ACOXL: variants seen among roughly 807,000 people sequenced by gnomAD.
The protein encoded by ACOXL is acyl-coenzyme A oxidase-like protein.
ACOXL carries 70 observed loss-of-function variants against 71.9 expected under a neutral mutation model. The observed-to-expected ratio is 0.97, with a 90% CI of 0.80 to 1.19. ACOXL has a LOEUF of 1.19. ACOXL is among the 50% of genes most tolerant of loss of function. The probability of loss-of-function intolerance (pLI) is 0.00; values close to 1 mark genes in which losing one functional copy is unlikely to be tolerated. For synonymous variants in ACOXL, 253 were observed against 281.6 expected, an observed-to-expected ratio of 0.90 and a Z score of 1.02; for missense variants, 703 against 736.3, an observed-to-expected ratio of 0.95 and a Z score of 0.52.
chr2:110,935,941 G>A (rs747381875), intron 12 of ACOXL, among the ~76,000 whole-genome samples: 8 of 152,114 alleles, frequency 5.3e-5, no homozygotes, highest in East Asian at 1.9e-4. Flanking sequence ...CATGAGGAGC[G>A]TGCAGATCTC....
At chr2:110,943,938 A>G (rs925010124) in intron 12 of ACOXL, among the ~76,000 whole-genome samples, 3 of 152,198 alleles carry the variant, frequency 2.0e-5, no homozygotes, top group Non-Finnish European at 2.9e-5. Flanking sequence ...AATTGAGTGA[A>G]TACTATTATT....
chr2:110,876,213 G>C (rs1447976999), intron 10 of ACOXL, among the ~76,000 whole-genome samples: 1 of 152,168 alleles, frequency 6.6e-6, no homozygotes, highest in East Asian at 1.9e-4. Flanking sequence ...TTGGAATCTA[G>C]ACCCAGGCAA....
At chr2:110,973,763 C>T (rs2062320856) in intron 12 of ACOXL, among the ~76,000 whole-genome samples, 2 of 152,092 alleles carry the variant, frequency 1.3e-5, no homozygotes, top group African/African-American at 4.8e-5. Flanking sequence ...CATGCATTTC[C>T]ATAAAGGCCT....
chr2:110,872,547 A>C (rs1381197341), intron 10 of ACOXL, among the ~76,000 whole-genome samples: 1 of 152,216 alleles, frequency 6.6e-6, no homozygotes, highest in Non-Finnish European at 1.5e-5. Context: ...GGTCACGTTG[A>C]TGGGAGAGTA....
intron 7 of ACOXL, among the ~76,000 whole-genome samples, chr2:110,799,633 T>C (rs1161713971): frequency 6.6e-6 from 1 of 152,106 alleles, no homozygotes; most frequent in Non-Finnish European, 1.5e-5. Flanking sequence ...CTAAGAGTGG[T>C]GATGAGAGGT....
intron 14 of ACOXL, among the ~76,000 whole-genome samples, chr2:111,016,108 A>AT (rs34690566): frequency 0.44 from 66,502 of 149,670 alleles, 15,015 homozygotes; most frequent in Middle Eastern, 0.54. Flanking sequence ...AATTTTTTTA[A>AT]TTTTTTTTTT....
At chr2:110,918,246 A>G (rs1487022292) in intron 11 of ACOXL, among the ~76,000 whole-genome samples, 1 of 152,208 alleles carries the variant, frequency 6.6e-6, no homozygotes, top group Non-Finnish European at 1.5e-5. Context: ...GGCCTCAGAA[A>G]TAACACCACA....
intron 9 of ACOXL, among the ~76,000 whole-genome samples, chr2:110,840,964 T>C (rs1164856524): frequency 6.6e-6 from 1 of 152,184 alleles, no homozygotes; most frequent in Non-Finnish European, 1.5e-5. Flanking sequence ...GATCCCACCA[T>C]GTGTGGGCGT....
chr2:110,890,723 A>G (rs1697832660), intron 10 of ACOXL, among the ~76,000 whole-genome samples: 1 of 152,106 alleles, frequency 6.6e-6, no homozygotes, highest in South Asian at 2.1e-4. Context: ...CTGTGTATCA[A>G]GTTTTCCAAT....
chr2:110,981,951 G>A (rs2096749039), intron 12 of ACOXL, among the ~76,000 whole-genome samples: 1 of 152,142 alleles, frequency 6.6e-6, no homozygotes, highest in South Asian at 2.1e-4. Flanking sequence ...AACCAGAAAG[G>A]GGAAACCACT....
rs904679421 is a variant in ACOXL at position 111,041,294 on chromosome 2, T to C, written c.1370-7924T>C. Among the ~76,000 whole-genome samples the C allele has an allele frequency of 3.9e-5, 6 of 152,176 alleles. No homozygotes were observed. In the South Asian group the frequency reaches 1.0e-3, roughly 26 times the overall value. Reference sequence around the variant, plus strand: ...AATGGGAGGGCGAATCGCTGCAAGGTGGAAAACAGGATCAATGCCACGCAT... The same window carrying C: ...AATGGGAGGGCGAATCGCTGCAAGGCGGAAAACAGGATCAATGCCACGCAT... On this transcript the variant is annotated intron_variant, in intron 15 of 17. Transcript: ENST00000439055.
rs995251944 is a variant in ACOXL at position 110,759,519 on chromosome 2, G to T, written c.-22-8849G>T. Among the ~76,000 whole-genome samples the T allele has an allele frequency of 5.3e-5, 8 of 151,570 alleles. 1 individual carries two copies. The highest frequency in any genetic ancestry group is 1.7e-4 in the African/African-American group (7 of 41,370). On this transcript the variant is annotated intron_variant, in intron 1 of 17. Coordinates refer to ENST00000439055, the MANE Select transcript of ACOXL (RefSeq NM_001142807.4). Reference sequence around the variant, plus strand: ...GCAACCCTTGATTTTTTTTCCATTTGCTCGGTAAATTTTTCTTTATCCCTT... The same window carrying T: ...GCAACCCTTGATTTTTTTTCCATTTTCTCGGTAAATTTTTCTTTATCCCTT...
chr2:111,091,777 A>C (rs2068536615), intron 16 of ACOXL, among the ~76,000 whole-genome samples: 1 of 152,216 alleles, frequency 6.6e-6, no homozygotes, highest in Non-Finnish European at 1.5e-5. Context: ...TAAGCTGCTC[A>C]GCCATACTGT....
intron 17 of ACOXL, among the ~76,000 whole-genome samples, chr2:111,094,838 T>C (rs1419098627): frequency 6.6e-6 from 1 of 152,212 alleles, no homozygotes; most frequent in Non-Finnish European, 1.5e-5. Context: ...TTCATTCTTA[T>C]GGCTGGCAGC....
At chr2:110,762,659 CT>C (rs1559229475) in intron 1 of ACOXL, among the ~76,000 whole-genome samples, 2 of 151,642 alleles carry the variant, frequency 1.3e-5, no homozygotes, top group African/African-American at 4.8e-5. Flanking sequence ...TTTTTGAGTC[CT>C]TTTTTAAAAA....
chr2:110,940,419 A>T (rs1192661939), intron 12 of ACOXL, among the ~76,000 whole-genome samples: 1 of 152,204 alleles, frequency 6.6e-6, no homozygotes, highest in Non-Finnish European at 1.5e-5. Flanking sequence ...AAATATGATC[A>T]TTTAGTTTTC....
At chr2:111,009,146 A>G (rs1396902331) in intron 14 of ACOXL, among the ~76,000 whole-genome samples, 1 of 151,982 alleles carries the variant, frequency 6.6e-6, no homozygotes, top group Non-Finnish European at 1.5e-5. Flanking sequence ...CTCACAGAAA[A>G]AGCCTTTCCC....
intron 1 of ACOXL, among the ~76,000 whole-genome samples, chr2:110,735,351 C>T (rs911569391): frequency 3.3e-5 from 5 of 152,170 alleles, no homozygotes; most frequent in African/African-American, 1.2e-4. Context: ...TGGCTTGTCC[C>T]CACCTTACCC....
intron 12 of ACOXL, among the ~76,000 whole-genome samples, chr2:110,970,289 T>G (rs75773029): frequency 6.2e-4 from 94 of 152,328 alleles, no homozygotes; most frequent in African/African-American, 1.9e-3. Flanking sequence ...GAATTACACA[T>G]GGCAACCTAG....
Sources: gnomAD v4.1 joint callset for allele counts (sites outside exome capture counted in the v4.1 genomes callset) on GRCh38, gnomAD v4.1.1 for gene constraint, MANE v1.5 for transcripts, NCBI Gene and HGNC (gene_info 2026-07-23, HGNC 2026-07-21) for gene names.